Variants in NAALADL2 observed in about 807,000 individuals in gnomAD.
The protein encoded by NAALADL2 is inactive N-acetylated-alpha-linked acidic dipeptidase-like protein 2.
Under a neutral mutation model 87.2 loss-of-function variants are expected in NAALADL2, and 76 were observed. The ratio of observed to expected loss-of-function variants is 0.87; its 90% CI spans 0.72 to 1.05. The LOEUF (loss-of-function observed/expected upper bound fraction) is 1.05. Ranked by LOEUF, NAALADL2 falls within the 50% of genes least tolerant of loss-of-function variation. The probability of loss-of-function intolerance (pLI) is 0.00; values close to 1 mark genes in which losing one functional copy is unlikely to be tolerated. For synonymous variants in NAALADL2, 354 were observed against 331.0 expected, an observed-to-expected ratio of 1.07 and a Z score of -0.75; for missense variants, 1,089 against 945.8, an observed-to-expected ratio of 1.15 and a Z score of -1.99.
At chr3:174,454,305 A>G (rs976317961) in intron 1 of NAALADL2, among the ~76,000 whole-genome samples, 2 of 152,112 alleles carry the variant, frequency 1.3e-5, no homozygotes, top group African/African-American at 4.8e-5. Context: ...AGACATCAAC[A>G]TCTCACTCAC....
intron 11 of NAALADL2, among the ~76,000 whole-genome samples, chr3:175,729,670 T>A (rs1249493732): frequency 6.6e-6 from 1 of 152,136 alleles, no homozygotes; most frequent in Admixed American, 6.6e-5. Flanking sequence ...CCATGAGTCA[T>A]CCCTACAGTC....
intron 1 of NAALADL2, among the ~76,000 whole-genome samples, chr3:175,076,331 T>C (rs1048336566): frequency 6.6e-6 from 1 of 151,876 alleles, no homozygotes; most frequent in African/African-American, 2.4e-5. Context: ...GCTTTTTTTT[T>C]TTTTTTTTTA....
At chr3:174,662,943 A>G (rs1008059955) in intron 2 of NAALADL2, among the ~76,000 whole-genome samples, 1 of 152,220 alleles carries the variant, frequency 6.6e-6, no homozygotes, top group Non-Finnish European at 1.5e-5. Flanking sequence ...TACATAGATG[A>G]CACTCATCTA....
rs563162662 is a variant in NAALADL2 at position 175,596,421 on chromosome 3, C to G, written c.1800+20234C>G. Among the ~76,000 whole-genome samples the G allele has an allele frequency of 7.9e-5, 12 of 152,060 alleles. No individual in the cohort carries two copies. In the South Asian group the frequency reaches 2.1e-3, roughly 26 times the overall value. ...TGTTATTTGCAACCATAGACTCTCA[C>G]AGAAGGCACGTCCTTATCCATTGTA... On this transcript the variant is annotated intron_variant, in intron 10 of 13. Coordinates refer to ENST00000454872, the MANE Select transcript of NAALADL2 (RefSeq NM_207015.3).
chr3:175,412,362 G>C (rs1713697457), intron 5 of NAALADL2, among the ~76,000 whole-genome samples: 1 of 152,084 alleles, frequency 6.6e-6, no homozygotes, highest in African/African-American at 2.4e-5. Flanking sequence ...ATGGATGTTT[G>C]GGCTTTTACA....
intron 1 of NAALADL2, among the ~76,000 whole-genome samples, chr3:175,068,701 T>C (rs1290078874): frequency 2.0e-5 from 3 of 152,112 alleles, no homozygotes; most frequent in African/African-American, 7.2e-5. Context: ...AAATGAAAGC[T>C]TTTGAAGAAA....
At chr3:175,311,578 GCTCCCTTCCCTC>G (rs145735063) in intron 4 of NAALADL2, among the ~76,000 whole-genome samples, 17,562 of 151,278 alleles carry the variant, frequency 0.12, 1,336 homozygotes, top group Non-Finnish European at 0.17. Flanking sequence ...AACAGGAAAT[GCTCCCTTCCCTC>G]CTCCCTTACC....
chr3:175,101,222 A>G (rs574171080), intron 2 of NAALADL2, among the ~76,000 whole-genome samples: 2 of 152,290 alleles, frequency 1.3e-5, no homozygotes, highest in African/African-American at 4.8e-5. Flanking sequence ...TTGTTTTTAT[A>G]TTTGCATCTT....
intron 5 of NAALADL2, among the ~76,000 whole-genome samples, chr3:175,350,991 TAGTTTTCCTAA>T (rs1170441428): frequency 6.6e-6 from 1 of 152,130 alleles, no homozygotes; most frequent in East Asian, 1.9e-4. Context: ...CAACAGCAGA[TAGTTTTCCTAA>T]AGGAAAAAAA....
chr3:175,454,453 G>T (rs1433305920), intron 6 of NAALADL2, among the ~76,000 whole-genome samples: 2 of 152,024 alleles, frequency 1.3e-5, no homozygotes, highest in South Asian at 4.1e-4. Context: ...GAACTTTAGG[G>T]TTCCTACTTT....
At chr3:174,960,922 A>G (rs7433498) in intron 1 of NAALADL2, among the ~76,000 whole-genome samples, 62,006 of 151,288 alleles carry the variant, frequency 0.41, 14,859 homozygotes, top group Non-Finnish European at 0.56. Flanking sequence ...ATATAGTTCC[A>G]GCTACTTAAG....
chr3:175,176,398 C>T (rs1003547418), intron 2 of NAALADL2, among the ~76,000 whole-genome samples: 29 of 151,910 alleles, frequency 1.9e-4, no homozygotes, highest in African/African-American at 6.5e-4. Context: ...AGGCCCTAGC[C>T]CTTTAGTAGG....
chr3:175,189,057 T>G (rs1407869133), intron 2 of NAALADL2, among the ~76,000 whole-genome samples: 1 of 152,186 alleles, frequency 6.6e-6, no homozygotes, highest in African/African-American at 2.4e-5. Context: ...ACCCATGCCT[T>G]GGAGAGTGAA....
chr3:174,465,830 A>T (rs1230505548), intron 1 of NAALADL2, among the ~76,000 whole-genome samples: 1 of 152,114 alleles, frequency 6.6e-6, no homozygotes, highest in Non-Finnish European at 1.5e-5. Context: ...TTACTAAAAA[A>T]GTTTCTAATA....
chr3:175,215,342 C>T (rs1180168782), intron 2 of NAALADL2, among the ~76,000 whole-genome samples: 1 of 152,166 alleles, frequency 6.6e-6, no homozygotes, highest in Non-Finnish European at 1.5e-5. Context: ...TTAACAACAT[C>T]CCAGCACTTG....
intron 1 of NAALADL2, among the ~76,000 whole-genome samples, chr3:174,890,650 G>A (rs545973470): frequency 6.6e-6 from 1 of 152,096 alleles, no homozygotes; most frequent in Admixed American, 6.5e-5. Flanking sequence ...GCCTGAGAAG[G>A]ATTAGCTAAG....
intron 11 of NAALADL2, among the ~76,000 whole-genome samples, chr3:175,635,409 T>C (rs1180737214): frequency 6.6e-6 from 1 of 152,108 alleles, no homozygotes; most frequent in African/African-American, 2.4e-5. Flanking sequence ...TATTCTTTTA[T>C]CATACTTTTA....
At chr3:175,094,154 T>C (rs2108347306) in intron 1 of NAALADL2, among the ~76,000 whole-genome samples, 1 of 151,938 alleles carries the variant, frequency 6.6e-6, no homozygotes, top group Admixed American at 6.6e-5. Flanking sequence ...AGAGAGACTC[T>C]GATTCATTAA....
intron 1 of NAALADL2, among the ~76,000 whole-genome samples, chr3:175,043,247 G>T (rs1434962430): frequency 6.6e-6 from 1 of 151,908 alleles, no homozygotes; most frequent in Admixed American, 6.6e-5. Context: ...TTATTTCTTT[G>T]TATGTTTTGG....
Sources: gnomAD v4.1 joint callset for allele counts (sites outside exome capture counted in the v4.1 genomes callset) on GRCh38, gnomAD v4.1.1 for gene constraint, MANE v1.5 for transcripts, NCBI Gene and HGNC (gene_info 2026-07-23, HGNC 2026-07-21) for gene names.